Variants in XKR4 observed in about 807,000 individuals in gnomAD.
XKR4 encodes XK-related protein 4.
In XKR4, 12 loss-of-function variants were observed where a neutral mutation model predicts 53.9. The observed-to-expected ratio is 0.22, with a 90% CI of 0.14 to 0.36. XKR4 has a LOEUF of 0.36. Among genes scored for constraint, XKR4 ranks in the 10% least tolerant of loss-of-function variants. The pLI, the probability that XKR4 is intolerant of heterozygous loss-of-function variation, is 1.00. For synonymous variants in XKR4, 354 were observed against 362.4 expected (o/e 0.98, Z 0.26); for missense variants, 799 against 859.5 (o/e 0.93, Z 0.88).
At chr8:55,341,657 C>G (rs77347225) in intron 1 of XKR4, among the ~76,000 whole-genome samples, 182 of 152,336 alleles carry the variant, frequency 1.2e-3, no homozygotes, top group Middle Eastern at 6.8e-3. Flanking sequence ...ATCATGGAAA[C>G]CTTATCTTCA....
At chr8:55,300,692 C>T (rs1369737994) in intron 1 of XKR4, among the ~76,000 whole-genome samples, 1 of 152,076 alleles carries the variant, frequency 6.6e-6, no homozygotes, top group Non-Finnish European at 1.5e-5. Flanking sequence ...AGTCTGCTGG[C>T]CACCTTCAGG....
At chr8:55,456,548 A>T (rs1805573463) in intron 2 of XKR4, among the ~76,000 whole-genome samples, 1 of 152,264 alleles carries the variant, frequency 6.6e-6, no homozygotes, top group Non-Finnish European at 1.5e-5. Flanking sequence ...CTATGATTCC[A>T]TAAATAATCT....
intron 2 of XKR4, among the ~76,000 whole-genome samples, chr8:55,522,337 T>C (rs1806809604): frequency 6.6e-6 from 1 of 152,184 alleles, no homozygotes; most frequent in African/African-American, 2.4e-5. Context: ...AGCTAAGAGA[T>C]GGAAGACAGG....
At chr8:55,516,569 A>C (rs189275430) in intron 2 of XKR4, among the ~76,000 whole-genome samples, 1 of 152,360 alleles carries the variant, frequency 6.6e-6, no homozygotes, top group East Asian at 1.9e-4. Flanking sequence ...AAATGATATG[A>C]GAAAAGCTAC....
chr8:55,112,412 A>T (rs1215645549), intron 1 of XKR4, among the ~76,000 whole-genome samples: 1 of 152,116 alleles, frequency 6.6e-6, no homozygotes, highest in Non-Finnish European at 1.5e-5. Flanking sequence ...CCTCAAGTCC[A>T]TTCTATTTAA....
At chr8:55,195,951 G>A (rs192639389) in intron 1 of XKR4, among the ~76,000 whole-genome samples, 90 of 152,196 alleles carry the variant, frequency 5.9e-4, no homozygotes, top group East Asian at 1.4e-3. Flanking sequence ...AGATGTCTCC[G>A]GGAAAGTCAG....
intron 1 of XKR4, among the ~76,000 whole-genome samples, chr8:55,201,975 A>G (rs940421950): frequency 6.6e-6 from 1 of 152,290 alleles, no homozygotes. Flanking sequence ...TAAAACTGAG[A>G]TATGGTTTAT....
At chr8:55,350,399 C>G in intron 1 of XKR4, among the ~76,000 whole-genome samples, 1 of 152,152 alleles carries the variant, frequency 6.6e-6, no homozygotes, top group East Asian at 1.9e-4. Flanking sequence ...CTGGACCCAT[C>G]AAGGAGTTGC....
At chr8:55,479,208 C>T (rs1806059106) in intron 2 of XKR4, among the ~76,000 whole-genome samples, 1 of 152,030 alleles carries the variant, frequency 6.6e-6, no homozygotes, top group South Asian at 2.1e-4. Flanking sequence ...TCTCTCAGAC[C>T]ACAGTGCAAT....
intron 1 of XKR4, among the ~76,000 whole-genome samples, chr8:55,282,095 G>C (rs1384045060): frequency 6.6e-6 from 1 of 152,168 alleles, no homozygotes; most frequent in African/African-American, 2.4e-5. Flanking sequence ...ACTCACTTGA[G>C]GGAAAGAACT....
intron 1 of XKR4, among the ~76,000 whole-genome samples, chr8:55,302,979 AC>A (rs1171928959): frequency 1.3e-5 from 2 of 152,172 alleles, no homozygotes; most frequent in African/African-American, 4.8e-5. Context: ...CTAATTGAAT[AC>A]CCTTTATTTC....
intron 2 of XKR4, among the ~76,000 whole-genome samples, chr8:55,384,791 A>G (rs1255129442): frequency 6.6e-6 from 1 of 152,254 alleles, no homozygotes; most frequent in Non-Finnish European, 1.5e-5. Context: ...AAAAGCATCC[A>G]TCAGTCTCCA....
chr8:55,117,530 T>A (rs974326197), intron 1 of XKR4, among the ~76,000 whole-genome samples: 2 of 152,214 alleles, frequency 1.3e-5, no homozygotes, highest in Admixed American at 6.5e-5. Context: ...AGTGCCATTG[T>A]AGCTTGCCAT....
chr8:55,506,304 G>C (rs1380763063), intron 2 of XKR4, among the ~76,000 whole-genome samples: 1 of 152,220 alleles, frequency 6.6e-6, no homozygotes, highest in East Asian at 1.9e-4. Flanking sequence ...AGATCAAATA[G>C]ATAGGCCTGA....
chr8:55,304,498 A>G (rs1819261923), intron 1 of XKR4, among the ~76,000 whole-genome samples: 1 of 152,190 alleles, frequency 6.6e-6, no homozygotes, highest in Non-Finnish European at 1.5e-5. Context: ...AGAGTTCTGT[A>G]GATGTCTTTT....
chr8:55,450,993 G>T, intron 2 of XKR4: 2 of 539,536 alleles, frequency 3.7e-6, no homozygotes, highest in East Asian at 5.0e-5. Context: ...CAGGACACAT[G>T]CCTTCAGCAG....
At chr8:55,160,494 G>A (rs183994604) in intron 1 of XKR4, among the ~76,000 whole-genome samples, 22 of 152,280 alleles carry the variant, frequency 1.4e-4, no homozygotes, top group Admixed American at 1.3e-3. Context: ...GTTGCTAACT[G>A]CAGCTTTTGG....
In XKR4 at chr8:55,217,115, A is replaced by G. The variant is rs187994832; in HGVS notation, c.806+113821A>G. Among the ~76,000 whole-genome samples the G allele has an allele frequency of 8.8e-3, 1,318 of 150,270 alleles. 13 individuals are homozygous for G. Among genetic ancestry groups the G allele is most frequent in the Middle Eastern group, 0.031 (9 of 286 alleles). On this transcript the variant is annotated intron_variant, in intron 1 of 2. Coordinates refer to ENST00000327381, the MANE Select transcript of XKR4 (RefSeq NM_052898.2). ...AACTTAGCCGGGCGTGGTGGCGGGC[A>G]CCTGTAGTCCCAGCTACTCGGGAGG...
chr8:55,439,606 A>T (rs1055295738), intron 2 of XKR4, among the ~76,000 whole-genome samples: 2 of 152,272 alleles, frequency 1.3e-5, no homozygotes, highest in South Asian at 2.1e-4. Flanking sequence ...TAGATTAAAC[A>T]GCAGATTAGA....
Sources: allele counts gnomAD v4.1 joint callset (sites outside exome capture counted in the v4.1 genomes callset), GRCh38; gene constraint gnomAD v4.1.1; transcripts MANE v1.5; gene names NCBI Gene and HGNC (gene_info 2026-07-23, HGNC 2026-07-21).